Variants in ST7 observed in about 807,000 individuals in gnomAD.
The protein encoded by ST7 is suppression of tumorigenicity 7.
A neutral mutation model predicts 78.7 loss-of-function variants in ST7; 28 were observed. That is an observed-to-expected ratio of 0.36 (90% CI 0.26 to 0.49). The LOEUF (loss-of-function observed/expected upper bound fraction) is 0.49. ST7 is among the 20% of genes least tolerant of loss of function. The probability of loss-of-function intolerance (pLI) is 0.99; values close to 1 mark genes in which losing one functional copy is unlikely to be tolerated. For missense variants in ST7, 418 were observed against 696.0 expected, an observed-to-expected ratio of 0.60 and a Z score of 4.49; for synonymous variants, 247 against 249.6, an observed-to-expected ratio of 0.99 and a Z score of 0.10.
At chr7:117,212,535 A>G (rs1176652242) in intron 13 of ST7, among the ~76,000 whole-genome samples, 1 of 152,216 alleles carries the variant, frequency 6.6e-6, no homozygotes, top group Non-Finnish European at 1.5e-5. Context: ...CATCCTATAT[A>G]AAATTATATT....
intron 7 of ST7, 73 bp downstream of exon 7, chr7:117,134,265 AC>A: frequency 1.3e-6 from 2 of 1,597,100 alleles, no homozygotes; most frequent in Middle Eastern, 1.7e-4. Flanking sequence ...GATGGTTGAC[AC>A]CCCCATCACC....
At chr7:117,153,538 CTG>C (rs1366878016) in intron 9 of ST7, among the ~76,000 whole-genome samples, 43 of 152,280 alleles carry the variant, frequency 2.8e-4, no homozygotes, top group Non-Finnish European at 5.9e-5. Context: ...GTTTAGGACA[CTG>C]TTGTGTCATG....
intron 15 of ST7, among the ~76,000 whole-genome samples, chr7:117,229,441 T>C (rs1192980896): frequency 6.6e-6 from 1 of 152,236 alleles, no homozygotes; most frequent in Non-Finnish European, 1.5e-5. Flanking sequence ...TCATTCCTGT[T>C]TGACGACACC....
chr7:116,963,953 A>T (rs1033110282), intron 1 of ST7, among the ~76,000 whole-genome samples: 2 of 152,192 alleles, frequency 1.3e-5, no homozygotes, highest in Non-Finnish European at 2.9e-5. Flanking sequence ...GTGGTTAAGT[A>T]TCAGTCTTTC....
At chr7:117,051,837 A>G (rs1462726423) in intron 1 of ST7, among the ~76,000 whole-genome samples, 1 of 152,198 alleles carries the variant, frequency 6.6e-6, no homozygotes, top group African/African-American at 2.4e-5. Context: ...AACTTGAGGA[A>G]TGAGATGGAT....
At position 117,021,719 on chromosome 7, in the gene ST7, C is replaced by T. The variant is rs1034269037; in HGVS notation, c.151+68028C>T. Among the ~76,000 whole-genome samples, 3 of 152,154 alleles carry T rather than the reference C, an allele frequency of 2.0e-5. 1 individual carries two copies. The South Asian group carries it at 6.2e-4, about 31-fold the overall frequency. On this transcript the variant is annotated intron_variant, in intron 1 of 15. Transcript: ENST00000323984. The stretch of plus-strand genomic sequence containing the variant: ...TTAAAAAGGTTAATTACTTTTGTTT[C>T]ACTGTAGAAGCTTCTCATCTCAGAC...
At chr7:117,092,509 C>T (rs569237825) in intron 1 of ST7, among the ~76,000 whole-genome samples, 32 of 152,162 alleles carry the variant, frequency 2.1e-4, no homozygotes, top group African/African-American at 7.2e-4. Flanking sequence ...TTTTCATTCC[C>T]TTGTCCTTTG....
chr7:117,012,485 A>G (rs1795428183), intron 1 of ST7, among the ~76,000 whole-genome samples: 1 of 152,160 alleles, frequency 6.6e-6, no homozygotes, highest in Non-Finnish European at 1.5e-5. Context: ...TTAAGGGTTA[A>G]ATAGGTTAAT....
intron 9 of ST7, among the ~76,000 whole-genome samples, chr7:117,159,379 G>A (rs1806952392): frequency 6.6e-6 from 1 of 152,166 alleles, no homozygotes; most frequent in African/African-American, 2.4e-5. Flanking sequence ...AGGTATTAGA[G>A]GACTCACAGG....
intron 10 of ST7, among the ~76,000 whole-genome samples, chr7:117,184,408 G>A (rs886099453): frequency 2.6e-5 from 4 of 152,246 alleles, no homozygotes; most frequent in African/African-American, 4.8e-5. Context: ...GAATGATTTT[G>A]AGTTGCTTCC....
At chr7:117,152,220 T>TATATAC (rs1806349038) in intron 9 of ST7, among the ~76,000 whole-genome samples, 1 of 125,898 alleles carries the variant, frequency 7.9e-6, no homozygotes. Flanking sequence ...TATATATATA[T>TATATAC]ATACCATGAA....
chr7:116,953,789 A>C (rs1188907133), intron 1 of ST7, 98 bp downstream of exon 1: 4 of 867,616 alleles, frequency 4.6e-6, no homozygotes, highest in Admixed American at 5.9e-5. Flanking sequence ...GCGCTCGGGG[A>C]CGCGCCGGGG....
intron 1 of ST7, among the ~76,000 whole-genome samples, chr7:116,986,713 A>G (rs560811023): frequency 6.6e-6 from 1 of 152,320 alleles, no homozygotes; most frequent in South Asian, 2.1e-4. Context: ...AAGAGATTCA[A>G]ATATTCAAAT....
At chr7:116,968,418 T>C (rs945259885) in intron 1 of ST7, 47 of 452,204 alleles carry the variant, frequency 1.0e-4, no homozygotes, top group African/African-American at 9.3e-4. Flanking sequence ...ATGTTGACCG[T>C]GCTGGACTCG....
At chr7:117,052,018 A>T (rs1054159832) in intron 1 of ST7, among the ~76,000 whole-genome samples, 3 of 152,114 alleles carry the variant, frequency 2.0e-5, no homozygotes, top group Admixed American at 2.0e-4. Context: ...TCTGCTGCAG[A>T]CTCTTTGAAC....
intron 3 of ST7, among the ~76,000 whole-genome samples, chr7:117,127,410 A>G (rs1161345038): frequency 6.6e-6 from 1 of 151,962 alleles, no homozygotes; most frequent in African/African-American, 2.4e-5. Flanking sequence ...CAGAGGGACA[A>G]AGAAGAAATT....
chr7:117,185,118 C>T (rs1391938109), intron 10 of ST7, among the ~76,000 whole-genome samples: 1 of 152,078 alleles, frequency 6.6e-6, no homozygotes, highest in Non-Finnish European at 1.5e-5. Context: ...TCAGTTCCTG[C>T]CTGTGGTTTA....
At chr7:117,177,672 G>T (rs987946391) in intron 10 of ST7, among the ~76,000 whole-genome samples, 2 of 152,200 alleles carry the variant, frequency 1.3e-5, no homozygotes, top group African/African-American at 2.4e-5. Context: ...GAACTTCCCA[G>T]TTGAATCATT....
chr7:117,182,018 C>G (rs781260721), intron 10 of ST7, among the ~76,000 whole-genome samples: 1 of 152,162 alleles, frequency 6.6e-6, no homozygotes, highest in Non-Finnish European at 1.5e-5. Flanking sequence ...CATATCATTG[C>G]AGACTGTTGC....
Sources: gnomAD v4.1 joint callset for allele counts (sites outside exome capture counted in the v4.1 genomes callset) on GRCh38, gnomAD v4.1.1 for gene constraint, MANE v1.5 for transcripts, NCBI Gene and HGNC (gene_info 2026-07-23, HGNC 2026-07-21) for gene names.